SI: variants seen among roughly 807,000 people sequenced by gnomAD.
The protein encoded by SI is sucrase-isomaltase, intestinal.
SI carries 235 observed loss-of-function variants against 253.3 expected under a neutral mutation model. The ratio of observed to expected loss-of-function variants is 0.93; its 90% CI spans 0.83 to 1.03. SI has a LOEUF of 1.03. SI is among the 50% of genes least tolerant of loss of function. The pLI, the probability that SI is intolerant of heterozygous loss-of-function variation, is 0.00. For missense variants in SI, 2,442 were observed against 2,211.1 expected (o/e 1.10, Z -2.09); for synonymous variants, 819 against 712.0 (o/e 1.15, Z -2.39).
chr3:164,994,653 CAAAGA>C (rs1028349583), intron 40 of SI, among the ~76,000 whole-genome samples: 14 of 151,490 alleles, frequency 9.2e-5, no homozygotes, highest in African/African-American at 3.1e-4. Context: ...TGAACATACC[CAAAGA>C]AAAGTTCACA....
At chr3:165,044,342 G>T (rs189331339) in intron 16 of SI, among the ~76,000 whole-genome samples, 1 of 151,976 alleles carries the variant, frequency 6.6e-6, no homozygotes, top group East Asian at 1.9e-4. Flanking sequence ...CTTATAATGT[G>T]CATTGTATAA....
chr3:165,059,435 C>A, intron 10 of SI, 136 bp from the exon 11 acceptor site: 1 of 864,604 alleles, frequency 1.2e-6, no homozygotes, highest in Non-Finnish European at 1.8e-6. Flanking sequence ...TTTCATTTCA[C>A]TAAAGAAGCA....
At position 165,059,796 on chromosome 3, in the gene SI, A is replaced by G; in HGVS notation, c.1146+106T>C. On this transcript the variant is annotated intron_variant, in intron 10 of 47. Coordinates refer to ENST00000264382, the MANE Select transcript of SI (RefSeq NM_001041.4). ...AATTAAAAGGCAGCCTCTTAATTAT[A>G]TGATATAATGTATATAGTAGATACT... is the stretch of plus-strand genomic sequence containing the variant. 4.4e-6 allele frequency: 5 copies of G among 1,145,940 alleles called. No individual in the cohort carries two copies. In the Admixed American group the frequency reaches 9.3e-5, roughly 21 times the overall value. 71.0% of individuals were successfully genotyped at this position (1,145,940 alleles called of 1,614,324 possible).
chr3:165,022,952 T>C lies in SI; in HGVS notation c.3099+618A>G, dbSNP rs1711705960. On this transcript the variant is annotated intron_variant, in intron 26 of 47. Coordinates refer to ENST00000264382, the MANE Select transcript of SI (RefSeq NM_001041.4). ...GTTTTTCTCCTTACAGATACTCCAC[T>C]TAGTCCTATAATTTTTGATGATTTA... Among the ~76,000 whole-genome samples the C allele has an allele frequency of 8.6e-5, 13 of 151,568 alleles. No homozygotes were observed. In the Admixed American group the frequency reaches 8.6e-4, roughly 10 times the overall value.
chr3:165,035,232 G>T (rs550683587), intron 22 of SI, among the ~76,000 whole-genome samples: 5 of 151,858 alleles, frequency 3.3e-5, no homozygotes, highest in African/African-American at 7.3e-5. Context: ...CAGGTAAATG[G>T]TATAAAAGAC....
At position 165,069,128 on chromosome 3, in the gene SI, A is replaced by C. The variant is rs1714410521; in HGVS notation, c.323T>G (p.Phe108Cys). 2 of 1,613,528 alleles carry C rather than the reference A, an allele frequency of 1.2e-6. No homozygotes were observed. Among genetic ancestry groups the C allele is most frequent in the Non-Finnish European group, 1.7e-6 (2 of 1,179,728 alleles). Residue 108 changes from phenylalanine to cysteine, a missense_variant, in exon 4 of 48, where the codon TTC becomes TGC. Coordinates refer to ENST00000264382, the MANE Select transcript of SI (RefSeq NM_001041.4). Reference protein sequence around the residue: ...WNDSLIPWCFFVDNHGYNVQD... With the variant: ...WNDSLIPWCFCVDNHGYNVQD... ...AACGTTATAACCATGATTATCAACG[A>C]AGAAGCACCAAGGAATAAGAGAGTC...
upstream of SI, among the ~76,000 whole-genome samples, chr3:165,081,492 G>A (rs1715321680): frequency 6.6e-6 from 1 of 152,008 alleles, no homozygotes; most frequent in Non-Finnish European, 1.5e-5. Context: ...GACGTCTACA[G>A]TAGTTAAATC....
intron 44 of SI, among the ~76,000 whole-genome samples, chr3:164,989,415 A>AGAAG (rs1559978156): frequency 4.1e-4 from 60 of 147,832 alleles, no homozygotes; most frequent in African/African-American, 1.5e-3. Flanking sequence ...AAAGAAAGAA[A>AGAAG]GAAAGAAAGA....
intron 45 of SI, among the ~76,000 whole-genome samples, chr3:164,984,402 A>C (rs761157587): frequency 4.6e-5 from 7 of 152,162 alleles, no homozygotes; most frequent in Non-Finnish European, 1.0e-4. Context: ...ATGTATTACA[A>C]GACATATTAG....
chr3:165,056,566 G>C (rs1713703631), intron 12 of SI, among the ~76,000 whole-genome samples: 3 of 152,126 alleles, frequency 2.0e-5, no homozygotes, highest in Admixed American at 1.3e-4. Context: ...CCCCAACAGT[G>C]CCCATGGTGC....
At chr3:165,042,605 G>A (rs1712897371) in intron 17 of SI, among the ~76,000 whole-genome samples, 1 of 151,974 alleles carries the variant, frequency 6.6e-6, no homozygotes, top group Non-Finnish European at 1.5e-5. Context: ...ATTGAAAGAC[G>A]CTGGACTCTA....
chr3:165,064,954 C>G (rs1247323788), intron 7 of SI, among the ~76,000 whole-genome samples: 1 of 151,844 alleles, frequency 6.6e-6, no homozygotes, highest in Non-Finnish European at 1.5e-5. Flanking sequence ...AGTGCAATAG[C>G]TAGCTATTGA....
At chr3:165,005,748 A>G (rs867667826) in intron 37 of SI, among the ~76,000 whole-genome samples, 22 of 152,034 alleles carry the variant, frequency 1.4e-4, no homozygotes, top group Admixed American at 6.6e-5. Context: ...TGATTTCTAT[A>G]TATTTATTTA....
intron 45 of SI, among the ~76,000 whole-genome samples, chr3:164,985,263 A>G (rs1251406285): frequency 1.3e-5 from 2 of 152,166 alleles, no homozygotes; most frequent in Non-Finnish European, 2.9e-5. Flanking sequence ...TTTGTTAATT[A>G]TGAGATTCAA....
At chr3:164,991,519 T>C (rs1717732636) in intron 43 of SI, 42 bp from the exon 44 acceptor site, 2 of 1,609,714 alleles carry the variant, frequency 1.2e-6, no homozygotes, top group South Asian at 2.2e-5. Context: ...GAGCAAGAAA[T>C]GGAATCATCA....
rs114438312 is a variant in SI at position 164,994,248 on chromosome 3, T to C, written c.4841+9A>G. 0.019 allele frequency: 30,215 copies of C among 1,609,150 alleles called. 501 individuals are homozygous for C. Among genetic ancestry groups the C allele is most frequent in the Non-Finnish European group, 0.019 (22,440 of 1,176,620 alleles). On this transcript the variant is annotated intron_variant, in intron 41 of 47. Coordinates refer to ENST00000264382, the MANE Select transcript of SI (RefSeq NM_001041.4). Reference sequence around the variant, plus strand: ...CTCTGTGATAAGAGAAAACAAACTTTGTACTTACTCATGCAAAAGGGGTCG... The same window carrying C: ...CTCTGTGATAAGAGAAAACAAACTTCGTACTTACTCATGCAAAAGGGGTCG...
At chr3:165,051,685 T>C (rs1210101468) in intron 13 of SI, among the ~76,000 whole-genome samples, 1 of 152,026 alleles carries the variant, frequency 6.6e-6, no homozygotes, top group Non-Finnish European at 1.5e-5. Context: ...GAATATATAA[T>C]ATAGTTGAGG....
intron 45 of SI, among the ~76,000 whole-genome samples, 191 bp downstream of exon 45, chr3:164,986,947 A>G (rs573443284): frequency 3.9e-5 from 6 of 152,352 alleles, no homozygotes; most frequent in African/African-American, 1.4e-4. Context: ...ATTTAGGATA[A>G]GAGAAGTCTT....
intron 1 of SI, among the ~76,000 whole-genome samples, chr3:165,077,873 TA>T (rs936140155): frequency 4.0e-5 from 6 of 151,640 alleles, no homozygotes; most frequent in Middle Eastern, 3.4e-3. Flanking sequence ...ATTACTGTGA[TA>T]AAAAAATATG....
Sources: allele counts gnomAD v4.1 joint callset (sites outside exome capture counted in the v4.1 genomes callset), GRCh38; gene constraint gnomAD v4.1.1; transcripts MANE v1.5; gene names NCBI Gene and HGNC (gene_info 2026-07-23, HGNC 2026-07-21).